The following PABPC4L variants were observed in gnomAD, a reference collection of about 807,000 sequenced individuals.
PABPC4L encodes polyadenylate-binding protein 4-like.
For synonymous variants in PABPC4L, 169 were observed against 164.1 expected (o/e 1.03, Z -0.23); for missense variants, 452 against 451.4 (o/e 1.00, Z -0.01).
the PABPC4L span, among the ~76,000 whole-genome samples, chr4:134,162,807 C>A: frequency 2.6e-5 from 4 of 152,002 alleles, no homozygotes; most frequent in East Asian, 7.7e-4. Flanking sequence ...AAAAATTTTT[C>A]AAAATGAATA....
chr4:134,160,207 G>C, the PABPC4L span, among the ~76,000 whole-genome samples: 1 of 152,112 alleles, frequency 6.6e-6, no homozygotes, highest in African/African-American at 2.4e-5. Context: ...GGGCCATGTC[G>C]GCTGTGGTGG....
At chr4:133,959,608 C>T in the PABPC4L span, among the ~76,000 whole-genome samples, 1 of 152,150 alleles carries the variant, frequency 6.6e-6, no homozygotes, top group Non-Finnish European at 1.5e-5. Context: ...TATGCAGTAC[C>T]TCCTAGGCCA....
the PABPC4L span, among the ~76,000 whole-genome samples, chr4:134,188,395 A>G: frequency 6.6e-6 from 1 of 152,122 alleles, no homozygotes; most frequent in Non-Finnish European, 1.5e-5. Context: ...TTTCTTCACC[A>G]TGCTCTCCCA....
the PABPC4L span, among the ~76,000 whole-genome samples, chr4:133,987,596 T>C: frequency 6.6e-6 from 1 of 152,108 alleles, no homozygotes; most frequent in Non-Finnish European, 1.5e-5. Context: ...AACAAGCCTA[T>C]ACAGATTTTG....
chr4:134,143,943 A>T, the PABPC4L span, among the ~76,000 whole-genome samples: 3 of 151,502 alleles, frequency 2.0e-5, no homozygotes, highest in African/African-American at 4.8e-5. Flanking sequence ...ACTTATGACA[A>T]CTGAAATGTT....
At chr4:134,102,296 T>C in the PABPC4L span, among the ~76,000 whole-genome samples, 1 of 151,498 alleles carries the variant, frequency 6.6e-6, no homozygotes, top group Non-Finnish European at 1.5e-5. Flanking sequence ...TATAATAATG[T>C]TATAAGTTTC....
At chr4:134,053,314 C>A in the PABPC4L span, among the ~76,000 whole-genome samples, 3 of 152,072 alleles carry the variant, frequency 2.0e-5, no homozygotes, top group Non-Finnish European at 4.4e-5. Context: ...TGTTGCTAAG[C>A]GCTGCTGAAT....
At chr4:134,033,591 A>C in the PABPC4L span, among the ~76,000 whole-genome samples, 2 of 151,958 alleles carry the variant, frequency 1.3e-5, no homozygotes, top group Non-Finnish European at 2.9e-5. Flanking sequence ...TGAACATACA[A>C]ATGATAAGGA....
In PABPC4L at chr4:134,196,683, T is replaced by C. The variant is rs1729667292; in HGVS notation, c.*3224A>G. ...AGGCACTTGGGCACAAAAGATTTAA[T>C]ATTCTTTAATGAATGAATCTCTATT... On this transcript the variant is annotated 3_prime_UTR_variant, in exon 2 of 2. Coordinates refer to ENST00000421491, the MANE Select transcript of PABPC4L (RefSeq NM_001114734.2). The C allele has an allele frequency of 6.6e-6, 1 of 151,802 alleles. No homozygotes were observed. The highest frequency in any genetic ancestry group is 2.1e-4 in the South Asian group (1 of 4,838). The allele number at this position is 151,802 out of a possible 1,614,324, so 9.4% of individuals were successfully genotyped here. A position where few individuals can be genotyped will look rare whatever the true frequency, so the allele number is the denominator to read the frequency against.
the PABPC4L span, among the ~76,000 whole-genome samples, chr4:134,158,632 C>T: frequency 6.6e-6 from 1 of 152,000 alleles, no homozygotes; most frequent in Admixed American, 6.6e-5. Flanking sequence ...GAACTTCTTG[C>T]CTGGATACTC....
the PABPC4L span, among the ~76,000 whole-genome samples, chr4:134,112,524 CA>C: frequency 2.0e-5 from 3 of 151,746 alleles, no homozygotes; most frequent in African/African-American, 7.2e-5. Context: ...GTTGTTACTG[CA>C]AAAAACAACT....
chr4:134,073,412 G>A, the PABPC4L span, among the ~76,000 whole-genome samples: 5 of 152,174 alleles, frequency 3.3e-5, no homozygotes, highest in African/African-American at 1.2e-4. Context: ...CATGGCCTTG[G>A]GCAGCTCTGC....
chr4:134,199,236 T>C lies in PABPC4L; in HGVS notation c.*671A>G, dbSNP rs947156814. The C allele has an allele frequency of 3.3e-5, 5 of 152,104 alleles. No homozygotes were observed. Among genetic ancestry groups the C allele is most frequent in the Non-Finnish European group, 1.5e-5 (1 of 67,956 alleles). 9.4% of individuals were successfully genotyped at this position (152,104 alleles called of 1,614,324 possible). A position where few individuals can be genotyped will look rare whatever the true frequency, so the allele number is the denominator to read the frequency against. ...TTAGATTAACTAGTAAGTACCTGAA[T>C]TATAGTCAACTAATGGAAAGAACAA... On this transcript the variant is annotated 3_prime_UTR_variant, in exon 2 of 2. Coordinates refer to ENST00000421491, the MANE Select transcript of PABPC4L (RefSeq NM_001114734.2).
chr4:134,153,559 G>T, the PABPC4L span, among the ~76,000 whole-genome samples: 1 of 152,182 alleles, frequency 6.6e-6, no homozygotes, highest in Non-Finnish European at 1.5e-5. Flanking sequence ...GGTCACCTTA[G>T]CTAAAGGCCG....
At chr4:134,024,912 C>A in the PABPC4L span, among the ~76,000 whole-genome samples, 1 of 112,478 alleles carries the variant, frequency 8.9e-6, no homozygotes, top group Non-Finnish European at 1.7e-5. Context: ...TAGAACCCAG[C>A]TAATTATGTA....
chr4:134,149,545 T>A, the PABPC4L span, among the ~76,000 whole-genome samples: 1 of 152,270 alleles, frequency 6.6e-6, no homozygotes, highest in East Asian at 1.9e-4. Context: ...CCTTTGATGT[T>A]TACATTTCAA....
the PABPC4L span, among the ~76,000 whole-genome samples, chr4:134,166,047 G>A: frequency 6.6e-6 from 1 of 152,170 alleles, no homozygotes; most frequent in African/African-American, 2.4e-5. Flanking sequence ...AATACCATAT[G>A]TTCTCACTTA....
chr4:134,013,498 T>TA, the PABPC4L span, among the ~76,000 whole-genome samples: 1 of 152,090 alleles, frequency 6.6e-6, no homozygotes, highest in Non-Finnish European at 1.5e-5. Context: ...TCACCTGACC[T>TA]AAAATCTAAG....
At chr4:134,131,522 A>G in the PABPC4L span, among the ~76,000 whole-genome samples, 2 of 151,892 alleles carry the variant, frequency 1.3e-5, no homozygotes, top group African/African-American at 4.8e-5. Flanking sequence ...AGGGACAACT[A>G]CAAAACACTG....
Sources: allele counts gnomAD v4.1 joint callset (sites outside exome capture counted in the v4.1 genomes callset), GRCh38; gene constraint gnomAD v4.1.1; transcripts MANE v1.5; gene names NCBI Gene and HGNC (gene_info 2026-07-23, HGNC 2026-07-21).